IL1RAPL2: variants seen among roughly 807,000 people sequenced by gnomAD.
IL1RAPL2 encodes interleukin 1 receptor accessory protein like 2, also known as X-linked interleukin-1 receptor accessory protein-like 2.
IL1RAPL2 carries 3 observed loss-of-function variants against 44.1 expected under a neutral mutation model. The ratio of observed to expected loss-of-function variants is 0.07; its 90% CI spans 0.03 to 0.18. IL1RAPL2 has a LOEUF of 0.18. Ranked by LOEUF, IL1RAPL2 falls within the 10% of genes least tolerant of loss-of-function variation. The pLI, the probability that IL1RAPL2 is intolerant of heterozygous loss-of-function variation, is 1.00. For synonymous variants in IL1RAPL2, 181 were observed against 178.8 expected (o/e 1.01, Z -0.10); for missense variants, 391 against 496.4 (o/e 0.79, Z 2.02).
At chrX:104,832,855 T>C (rs1921648330) in intron 2 of IL1RAPL2, among the ~76,000 whole-genome samples, 1 of 111,648 alleles carries the variant, frequency 9.0e-6, no homozygotes, top group Non-Finnish European at 1.9e-5. Context: ...TTTATATACA[T>C]GGGCTCAACA....
rs781689719 is a variant in IL1RAPL2, at chrX:105,641,231, G to C, written c.773-76136G>C. 2.7e-5 allele frequency among the ~76,000 whole-genome samples: 3 copies of C among 109,435 alleles called. No individual in the cohort carries two copies. In the Admixed American group the frequency reaches 3.0e-4, roughly 11 times the overall value. On this transcript the variant is annotated intron_variant, in intron 6 of 10. Transcript: ENST00000372582. ...TTTTATTTTATTTTATTTTTGCCTG[G>C]TTAGAATATGGGATCTAACAATTCA...
chrX:105,687,411 G>A (rs1038233587), intron 6 of IL1RAPL2, among the ~76,000 whole-genome samples: 3 of 111,057 alleles, frequency 2.7e-5, no homozygotes, highest in African/African-American at 6.5e-5. Flanking sequence ...CACCGATCCC[G>A]CAGATATGAA....
At chrX:104,673,735 G>T (rs1256080657) in intron 2 of IL1RAPL2, among the ~76,000 whole-genome samples, 1 of 108,947 alleles carries the variant, frequency 9.2e-6, no homozygotes, top group Non-Finnish European at 1.9e-5. Flanking sequence ...CATGAGCATG[G>T]AATGTTCTTC....
chrX:104,710,248 T>C (rs1422522345), intron 2 of IL1RAPL2, among the ~76,000 whole-genome samples: 1 of 111,392 alleles, frequency 9.0e-6, no homozygotes, highest in Non-Finnish European at 1.9e-5. Context: ...AGTTTATCAG[T>C]GGATAAATGG....
chrX:104,668,746 TA>T (rs1930535395), intron 2 of IL1RAPL2, among the ~76,000 whole-genome samples: 1 of 109,266 alleles, frequency 9.2e-6, no homozygotes, highest in Non-Finnish European at 1.9e-5. Context: ...GGTGGCACTG[TA>T]ATACATTCCT....
At chrX:105,749,574 G>A (rs1415326425) in intron 9 of IL1RAPL2, among the ~76,000 whole-genome samples, 2 of 111,758 alleles carry the variant, frequency 1.8e-5, no homozygotes, top group Non-Finnish European at 3.8e-5. Context: ...GAAAGCTATG[G>A]AGACAATCCT....
At chrX:105,149,835 A>AAAATAAAT (rs765874056) in intron 2 of IL1RAPL2, among the ~76,000 whole-genome samples, 21 of 109,498 alleles carry the variant, frequency 1.9e-4, no homozygotes, top group African/African-American at 6.7e-4. Context: ...CTCCATCTCA[A>AAAATAAAT]AAATAAATAA....
chrX:105,040,420 CT>C (rs2031709425), intron 2 of IL1RAPL2, among the ~76,000 whole-genome samples: 1 of 111,564 alleles, frequency 9.0e-6, no homozygotes, highest in Admixed American at 9.5e-5. Context: ...AGGATTCCCT[CT>C]TTTTCTATTG....
chrX:104,857,451 T>C (rs1378178689), intron 2 of IL1RAPL2, among the ~76,000 whole-genome samples: 1 of 111,838 alleles, frequency 8.9e-6, no homozygotes, highest in East Asian at 2.8e-4. Context: ...CCATCTCCCA[T>C]AGTGTATTTA....
intron 5 of IL1RAPL2, among the ~76,000 whole-genome samples, chrX:105,363,277 GTA>G (rs1186214852): frequency 2.7e-4 from 22 of 81,042 alleles, no homozygotes; most frequent in South Asian, 1.6e-3. Flanking sequence ...ATATATGTGT[GTA>G]TATATATATA....
intron 2 of IL1RAPL2, among the ~76,000 whole-genome samples, chrX:104,778,660 ATTAT>A (rs925936279): frequency 2.7e-4 from 23 of 84,358 alleles, no homozygotes; most frequent in African/African-American, 8.1e-4. Flanking sequence ...GCTTTCAATT[ATTAT>A]TTATTATTAT....
intron 3 of IL1RAPL2, among the ~76,000 whole-genome samples, chrX:105,210,932 AC>A (rs1249571548): frequency 4.6e-5 from 5 of 109,706 alleles, no homozygotes; most frequent in Non-Finnish European, 7.6e-5. Context: ...ACATACATGT[AC>A]CCCCGATCAA....
intron 1 of IL1RAPL2, among the ~76,000 whole-genome samples, chrX:104,613,199 T>TA (rs771717215): frequency 9.0e-6 from 1 of 111,381 alleles, no homozygotes; most frequent in Non-Finnish European, 1.9e-5. Context: ...GCTAGGACTA[T>TA]AATGAATGGG....
At chrX:104,671,196 GCACACA>G (rs1232393118) in intron 2 of IL1RAPL2, among the ~76,000 whole-genome samples, 3 of 109,042 alleles carry the variant, frequency 2.8e-5, no homozygotes, top group Non-Finnish European at 5.7e-5. Flanking sequence ...ACACACACAC[GCACACA>G]CACAAACACA....
chrX:104,800,167 G>A (rs1275331732), intron 2 of IL1RAPL2, among the ~76,000 whole-genome samples: 1 of 111,207 alleles, frequency 9.0e-6, no homozygotes, highest in African/African-American at 3.3e-5. Context: ...ATGGCTTGGG[G>A]ATTAAGTACA....
chrX:104,847,424 T>C (rs746926629), intron 2 of IL1RAPL2, among the ~76,000 whole-genome samples: 1 of 111,917 alleles, frequency 8.9e-6, no homozygotes, highest in South Asian at 3.8e-4. Context: ...TAGCCAGTTT[T>C]CCCAGCACCA....
chrX:105,439,815 C>T (rs111754960), intron 5 of IL1RAPL2, among the ~76,000 whole-genome samples: 32 of 111,750 alleles, frequency 2.9e-4, no homozygotes, highest in Admixed American at 1.9e-4. Context: ...AAGATTATTT[C>T]GGGTAATGAA....
At chrX:104,616,335 C>T (rs1329948331) in intron 1 of IL1RAPL2, among the ~76,000 whole-genome samples, 2 of 112,236 alleles carry the variant, frequency 1.8e-5, no homozygotes, top group African/African-American at 6.5e-5. Context: ...CTTCTAACCT[C>T]CAAGCTGTCC....
intron 2 of IL1RAPL2, among the ~76,000 whole-genome samples, chrX:105,064,696 T>C (rs1356418315): frequency 5.4e-5 from 6 of 112,076 alleles, no homozygotes; most frequent in Non-Finnish European, 1.1e-4. Flanking sequence ...GGAAAAGAAA[T>C]ATATTTATTT....
Sources: gnomAD v4.1 joint callset for allele counts (sites outside exome capture counted in the v4.1 genomes callset) on GRCh38, gnomAD v4.1.1 for gene constraint, MANE v1.5 for transcripts, NCBI Gene and HGNC (gene_info 2026-07-23, HGNC 2026-07-21) for gene names.